The following SEMA6B variants were observed in gnomAD, a reference collection of about 807,000 sequenced individuals.
SEMA6B encodes semaphorin 6B.
SEMA6B carries 47 observed loss-of-function variants against 78.6 expected under a neutral mutation model. The ratio of observed to expected loss-of-function variants is 0.60; its 90% CI spans 0.47 to 0.76. The LOEUF (loss-of-function observed/expected upper bound fraction) is 0.76, where lower values mean the gene tolerates loss of function less well. Ranked by LOEUF, SEMA6B falls within the 30% of genes least tolerant of loss-of-function variation. The probability of loss-of-function intolerance (pLI) is 0.00; values close to 1 mark genes in which losing one functional copy is unlikely to be tolerated. For synonymous variants in SEMA6B, 632 were observed against 592.2 expected (o/e 1.07, Z -0.98); for missense variants, 1,213 against 1,269.9 (o/e 0.96, Z 0.68).
Position 4,550,256 on chromosome 19 carries a change from C to A in SEMA6B, c.1138G>T (p.Ala380Ser). ...VPRPRPGCCA[A>S]PGMQYNASSA... Reference sequence around the variant, plus strand: ...GAGGCATTGTACTGCATCCCGGGGGCTGCGCAGCACCCGGGCCTGGGGGTG... The same window carrying A: ...GAGGCATTGTACTGCATCCCGGGGGATGCGCAGCACCCGGGCCTGGGGGTG... The change falls in exon 12 of 17, where the codon GCC becomes TCC. Residue 380 changes from alanine (A) to serine (S), a missense_variant. By Grantham distance (99) the Ala-to-Ser change is moderately conservative. Coordinates refer to ENST00000586582, the MANE Select transcript of SEMA6B (RefSeq NM_032108.4). The surrounding 1 kb of genome is among the most constrained non-coding windows in gnomAD (Gnocchi z 6.6). The A allele has an allele frequency of 6.2e-7, 1 of 1,613,444 alleles. No homozygotes were observed. Among genetic ancestry groups the A allele is most frequent in the Non-Finnish European group, 8.5e-7 (1 of 1,179,882 alleles).
In SEMA6B at chr19:4,556,080, G is replaced by C. The variant is rs1256344483; in HGVS notation, c.379C>G (p.Arg127Gly). 1.9e-6 allele frequency: 3 copies of C among 1,613,384 alleles called. No individual in the cohort carries two copies. Among genetic ancestry groups the C allele is most frequent in the East Asian group, 2.2e-5 (1 of 44,876 alleles). ...RMKGKQEGEC[R>G]NFVKVLLLRD... ...AGGAGCAGCACCTTTACGAAGTTTC[G>C]ACACTCGCCCTGAGGTGGGGACAGG... The change falls in exon 6 of 17, where the codon CGA becomes GGA. Residue 127 changes from arginine (R) to glycine (G), a missense_variant. Transcript: ENST00000586582.
Position 4,546,466 on chromosome 19 carries a change from G to A in SEMA6B, c.1605C>T (p.Asn535=). The change falls in exon 15 of 17, where the codon AAC becomes AAT. Residue 535 remains asparagine (N), a synonymous_variant. Coordinates refer to ENST00000586582, the MANE Select transcript of SEMA6B (RefSeq NM_032108.4). ...AGTAGGGGTCCTGACTGCCGATACAGTTCCTAGAGCAGACCAGGGACCGAA... is the reference window on the plus strand; with the variant it reads ...AGTAGGGGTCCTGACTGCCGATACAATTCCTAGAGCAGACCAGGGACCGAA... The part of the protein sequence containing the change: ...RCQQYSGCMK[N]CIGSQDPYCG... 1 of 1,561,698 alleles carries A rather than the reference G, an allele frequency of 6.4e-7. No individual in the cohort carries two copies. The highest frequency in any genetic ancestry group is 8.7e-7 in the Non-Finnish European group (1 of 1,152,344).
chr19:4,553,350 G>A (rs1229271823), intron 9 of SEMA6B, among the ~76,000 whole-genome samples: 2 of 149,504 alleles, frequency 1.3e-5, no homozygotes, highest in African/African-American at 4.9e-5. Context: ...GGATGGGTGA[G>A]TTGGGTGGGT....
intron 12 of SEMA6B, 148 bp downstream of exon 12, chr19:4,549,975 A>C (rs1977278779): frequency 2.7e-6 from 2 of 728,500 alleles, no homozygotes. Flanking sequence ...GTGTCTCTCC[A>C]TCTTTCCCTC....
In SEMA6B at chr19:4,548,007, G is replaced by A; in HGVS notation, c.1601+20C>T. The A allele has an allele frequency of 6.5e-7, 1 of 1,527,822 alleles. No homozygotes were observed. Among genetic ancestry groups the A allele is most frequent in the Non-Finnish European group, 8.8e-7 (1 of 1,138,410 alleles). 94.6% of individuals were successfully genotyped at this position (1,527,822 alleles called of 1,614,324 possible). A position where few individuals can be genotyped will look rare whatever the true frequency, so the allele number is the denominator to read the frequency against. ...CCTCCCTTGCTTCCCGCCCACGGCT[G>A]GCCTGGGGTGGACACTCACTTCATA... On this transcript the variant is annotated intron_variant, in intron 14 of 16. Coordinates refer to ENST00000586582, the MANE Select transcript of SEMA6B (RefSeq NM_032108.4).
At position 4,542,671 on chromosome 19, in the gene SEMA6B, C is replaced by A; in HGVS notation, c.*930G>T. 1.6e-6 allele frequency: 1 copy of A among 627,698 alleles called. No homozygotes were observed. 38.9% of individuals were successfully genotyped at this position (627,698 alleles called of 1,614,324 possible). On this transcript the variant is annotated 3_prime_UTR_variant, in exon 17 of 17. Transcript: ENST00000586582. ...AGAGAGGGCAGAGGACCCAGCCAGC[C>A]ACGTGGCATGCATGGTCAGCTGGAG...
Position 4,552,291 on chromosome 19 carries a change from C to A in SEMA6B, c.989+131G>T. The A allele has an allele frequency of 1.1e-6, 1 of 882,184 alleles. No homozygotes were observed. Among genetic ancestry groups the A allele is most frequent in the South Asian group, 1.8e-5 (1 of 56,918 alleles). 54.6% of individuals were successfully genotyped at this position (882,184 alleles called of 1,614,324 possible). ...AGCTTGTCCCACCCCAGCCTGGGGC[C>A]GAGGCCTCTCAGAGGTCTAATCCAG... On this transcript the variant is annotated intron_variant, in intron 10 of 16. Coordinates refer to ENST00000586582, the MANE Select transcript of SEMA6B (RefSeq NM_032108.4). The surrounding 1 kb of genome is among the most constrained non-coding windows in gnomAD (Gnocchi z 7.4).
rs756997393 is a variant in SEMA6B at position 4,542,717 on chromosome 19, A to G, written c.*884T>C. On this transcript the variant is annotated 3_prime_UTR_variant, in exon 17 of 17. Coordinates refer to ENST00000586582, the MANE Select transcript of SEMA6B (RefSeq NM_032108.4). ...TGGAGGTCAGAGGGGGGAGGTCACA[A>G]GGGGACGGGTGGCATGGGACTCTCT... 2.9e-6 allele frequency: 2 copies of G among 685,964 alleles called. No individual in the cohort carries two copies. The highest frequency in any genetic ancestry group is 2.7e-6 in the Non-Finnish European group (1 of 374,806). The allele number at this position is 685,964 out of a possible 1,614,324, so 42.5% of individuals were successfully genotyped here.
chr19:4,543,141 C>T lies in SEMA6B; in HGVS notation c.*460G>A. ...CGAACACGGCACGCACACGCACGCA[C>T]ACCCACACACGCCAGGGGCCTGGGT... On this transcript the variant is annotated 3_prime_UTR_variant, in exon 17 of 17. Coordinates refer to ENST00000586582, the MANE Select transcript of SEMA6B (RefSeq NM_032108.4). The T allele has an allele frequency of 1.6e-6, 1 of 613,980 alleles. No individual in the cohort carries two copies. Among genetic ancestry groups the T allele is most frequent in the Non-Finnish European group, 2.9e-6 (1 of 341,576 alleles). The allele number at this position is 613,980 out of a possible 1,614,324, so 38.0% of individuals were successfully genotyped here. A position where few individuals can be genotyped will look rare whatever the true frequency, so the allele number is the denominator to read the frequency against.
chr19:4,543,593 C>G lies in SEMA6B; in HGVS notation c.*8G>C. ...CTGGCACTGCCAAGGCATCGGGGGG[C>G]CCCCGGCCTAGGGCACGGGGGGCGC... On this transcript the variant is annotated 3_prime_UTR_variant, in exon 17 of 17. Coordinates refer to ENST00000586582, the MANE Select transcript of SEMA6B (RefSeq NM_032108.4). 1 of 1,215,298 alleles carries G rather than the reference C, an allele frequency of 8.2e-7. No homozygotes were observed. The highest frequency in any genetic ancestry group is 1.0e-6 in the Non-Finnish European group (1 of 970,488). 75.3% of individuals were successfully genotyped at this position (1,215,298 alleles called of 1,614,324 possible). A position where few individuals can be genotyped will look rare whatever the true frequency, so the allele number is the denominator to read the frequency against.
In SEMA6B at chr19:4,558,549, C is replaced by CGG. The variant is rs1162843234; in HGVS notation, c.-32-62_-32-61dup. The stretch of plus-strand genomic sequence containing the variant: ...AGTCCCGCTCGTGGCCACAAGACGG[C>CGG]GGGCGAGAGCAGCAGACGCTCCTTC... On this transcript the variant is annotated intron_variant, in intron 1 of 16. Transcript: ENST00000586582. The surrounding 1 kb of genome is among the most constrained non-coding windows in gnomAD (Gnocchi z 5.1). The CGG allele has an allele frequency of 2.7e-5, 30 of 1,123,782 alleles. No homozygotes were observed. Among genetic ancestry groups the CGG allele is most frequent in the Non-Finnish European group, 3.3e-5 (29 of 889,404 alleles). 69.6% of individuals were successfully genotyped at this position (1,123,782 alleles called of 1,614,324 possible).
intron 16 of SEMA6B, 86 bp downstream of exon 16, chr19:4,546,130 G>C: frequency 7.4e-7 from 1 of 1,345,008 alleles, no homozygotes; most frequent in Non-Finnish European, 1.0e-6. Flanking sequence ...ACCTCCCAGA[G>C]GATTCGAGGG....
chr19:4,549,379 G>T (rs1446833171), intron 12 of SEMA6B, among the ~76,000 whole-genome samples: 1 of 137,488 alleles, frequency 7.3e-6, no homozygotes, highest in African/African-American at 2.7e-5. Flanking sequence ...TCGGCTCACT[G>T]CAACCTCCGC....
Position 4,550,692 on chromosome 19 carries a change from C to A in SEMA6B, c.1121+107G>T. The A allele has an allele frequency of 7.4e-7, 1 of 1,353,816 alleles. No homozygotes were observed. Among genetic ancestry groups the A allele is most frequent in the East Asian group, 2.3e-5 (1 of 42,864 alleles). 83.9% of individuals were successfully genotyped at this position (1,353,816 alleles called of 1,614,324 possible). ...GTTTTTCCCAACTGTATAACGGGTA[C>A]AGCTGAACTCAGCATCAGCTAAATA... On this transcript the variant is annotated intron_variant, in intron 11 of 16. Transcript: ENST00000586582. This position sits in a 1 kb window ranked among gnomAD's most constrained non-coding sequence, Gnocchi z 6.6.
chr19:4,546,961 A>AT (rs11433686), intron 14 of SEMA6B, among the ~76,000 whole-genome samples: 82,519 of 148,252 alleles, frequency 0.56, 23,374 homozygotes, highest in East Asian at 0.88. Flanking sequence ...TTAAAATTTA[A>AT]TTTTTTTTTT....
In SEMA6B at chr19:4,548,012, G is replaced by C; in HGVS notation, c.1601+15C>G. On this transcript the variant is annotated intron_variant, in intron 14 of 16. Coordinates refer to ENST00000586582, the MANE Select transcript of SEMA6B (RefSeq NM_032108.4). ...CTTGCTTCCCGCCCACGGCTGGCCT[G>C]GGGTGGACACTCACTTCATACACCC... The C allele has an allele frequency of 6.5e-7, 1 of 1,533,358 alleles. No individual in the cohort carries two copies. The highest frequency in any genetic ancestry group is 1.2e-5 in the South Asian group (1 of 82,082). 95.0% of individuals were successfully genotyped at this position (1,533,358 alleles called of 1,614,324 possible).
At position 4,554,102 on chromosome 19, in the gene SEMA6B, T is replaced by C. The variant is rs114053785; in HGVS notation, c.771+286A>G. Among the ~76,000 whole-genome samples, 352 of 146,540 alleles carry C rather than the reference T, an allele frequency of 2.4e-3. 1 individual carries two copies. The highest frequency in any genetic ancestry group is 8.6e-3 in the African/African-American group (344 of 40,004). ...AGACGGATGGACAGGGGATGAAGGA[T>C]GGATAAGTGATTGTGGCTGGGTGGG... On this transcript the variant is annotated intron_variant, in intron 9 of 16. Coordinates refer to ENST00000586582, the MANE Select transcript of SEMA6B (RefSeq NM_032108.4).
rs1334704492 is a variant in SEMA6B at position 4,542,856 on chromosome 19, T to A, written c.*745A>T. 2 of 701,946 alleles carry A rather than the reference T, an allele frequency of 2.8e-6. No individual in the cohort carries two copies. Among genetic ancestry groups the A allele is most frequent in the Non-Finnish European group, 5.2e-6 (2 of 384,744 alleles). 43.5% of individuals were successfully genotyped at this position (701,946 alleles called of 1,614,324 possible). ...GTGACTTCCGGGCAGGCCCTCCTCG[T>A]GTCTCCTGCCTGAAACCCCGGCATT... On this transcript the variant is annotated 3_prime_UTR_variant, in exon 17 of 17. Coordinates refer to ENST00000586582, the MANE Select transcript of SEMA6B (RefSeq NM_032108.4).
intron 14 of SEMA6B, among the ~76,000 whole-genome samples, chr19:4,546,962 T>A (rs1022790242): frequency 6.9e-5 from 2 of 29,000 alleles, no homozygotes; most frequent in South Asian, 1.4e-3. Flanking sequence ...TAAAATTTAA[T>A]TTTTTTTTTC....
Sources: allele counts gnomAD v4.1 joint callset (sites outside exome capture counted in the v4.1 genomes callset), GRCh38; gene constraint gnomAD v4.1.1; non-coding constraint Gnocchi (gnomAD v3.1); transcripts MANE v1.5; gene names NCBI Gene and HGNC (gene_info 2026-07-23, HGNC 2026-07-21).